Variants in ATG2B observed in about 807,000 individuals in gnomAD.
ATG2B encodes autophagy-related protein 2 homolog B.
In ATG2B, 121 loss-of-function variants were observed where a neutral mutation model predicts 241.3. The ratio of observed to expected loss-of-function variants is 0.50; its 90% CI spans 0.43 to 0.58. ATG2B has a LOEUF of 0.58. ATG2B is among the 20% of genes least tolerant of loss of function. The pLI, the probability that ATG2B is intolerant of heterozygous loss-of-function variation, is 0.00. For synonymous variants in ATG2B, 858 were observed against 876.6 expected, an observed-to-expected ratio of 0.98 and a Z score of 0.37; for missense variants, 2,306 against 2,491.6, an observed-to-expected ratio of 0.93 and a Z score of 1.59.
chr14:96,307,373 T>G (rs1016560280), intron 29 of ATG2B, among the ~76,000 whole-genome samples: 1 of 151,790 alleles, frequency 6.6e-6, no homozygotes. Flanking sequence ...ATCACACCAC[T>G]GCACTCCAGC....
At chr14:96,328,897 C>T in intron 12 of ATG2B, 131 bp from the exon 13 acceptor site, 1 of 584,232 alleles carries the variant, frequency 1.7e-6, no homozygotes, top group Non-Finnish European at 3.0e-6. Flanking sequence ...CACTTACTAG[C>T]AATGTGAACC....
chr14:96,304,048 G>A (rs904314923), intron 32 of ATG2B, among the ~76,000 whole-genome samples: 8 of 152,198 alleles, frequency 5.3e-5, no homozygotes, highest in Non-Finnish European at 1.0e-4. Flanking sequence ...AAATGCGTGT[G>A]ATGCCATCAG....
At position 96,290,195 on chromosome 14, in the gene ATG2B, C is replaced by T. The variant is rs1201890924; in HGVS notation, c.5856+241G>A. 1.5e-6 allele frequency: 2 copies of T among 1,303,798 alleles called. No homozygotes were observed. Among genetic ancestry groups the T allele is most frequent in the East Asian group, 3.1e-5 (1 of 31,926 alleles). The allele number at this position is 1,303,798 out of a possible 1,614,324, so 80.8% of individuals were successfully genotyped here. On this transcript the variant is annotated intron_variant, in intron 40 of 41. Transcript: ENST00000359933. This position sits in a 1 kb window ranked among gnomAD's most constrained non-coding sequence, Gnocchi z 4.4. ...TATGGTGAAATCAATCCTCTGCTAACTTAATGTTTACAATTTACCTGAAAT... is the reference window on the plus strand; with the variant it reads ...TATGGTGAAATCAATCCTCTGCTAATTTAATGTTTACAATTTACCTGAAAT...
chr14:96,353,912 T>C (rs1888402774), intron 1 of ATG2B, among the ~76,000 whole-genome samples: 1 of 152,068 alleles, frequency 6.6e-6, no homozygotes, highest in African/African-American at 2.4e-5. Context: ...ATGAAGAGAT[T>C]GTTCAAGCAT....
At position 96,306,307 on chromosome 14, in the gene ATG2B, T is replaced by TAC. The variant is rs56154757; in HGVS notation, c.4506+405_4506+406dup. ...TTCCTGGAAAGTTTCCAAATACACA[T>TAC]ACACACACACACTTATATCTATACA... is the stretch of plus-strand genomic sequence containing the variant. On this transcript the variant is annotated intron_variant, in intron 30 of 41. Transcript: ENST00000359933. Among the ~76,000 whole-genome samples the TAC allele has an allele frequency of 2.0e-5, 3 of 151,002 alleles. No homozygotes were observed. In the East Asian group the frequency reaches 6.2e-4, roughly 31 times the overall value.
rs201912169 is a variant in ATG2B at position 96,362,769 on chromosome 14, A to T, written c.162+46T>A. 38 of 1,572,178 alleles carry T rather than the reference A, an allele frequency of 2.4e-5. No individual in the cohort carries two copies. The Admixed American group carries it at 5.1e-4, about 21-fold the overall frequency. On this transcript the variant is annotated intron_variant, in intron 1 of 41. Transcript: ENST00000359933. ...GGATGGCACTGGTTCAAAGCGCCCT[A>T]AAGAGGGGAGCGAGCCCCGCCCGGC...
intron 14 of ATG2B, 149 bp from the exon 15 acceptor site, chr14:96,326,071 A>C: frequency 1.3e-6 from 1 of 743,150 alleles, no homozygotes; most frequent in Non-Finnish European, 2.0e-6. Context: ...CTACCATATT[A>C]ATTTAGTGTA....
At position 96,343,166 on chromosome 14, in the gene ATG2B, A is replaced by G. The variant is rs1212884737; in HGVS notation, c.697T>C (p.Phe233Leu). ...GGGGAAGATTTGGCTGATGCAGAAAACTCATCCCAGAAGAGAGACACTCCA... is the reference window on the plus strand; with the variant it reads ...GGGGAAGATTTGGCTGATGCAGAAAGCTCATCCCAGAAGAGAGACACTCCA... Reference protein sequence around the residue: ...LSGVSLFWDEFSASAKSSPVC... With the variant: ...LSGVSLFWDELSASAKSSPVC... Residue 233 changes from phenylalanine (F) to leucine (L), a missense_variant, in exon 5 of 42, where the codon TTT (phenylalanine) becomes CTT (leucine). Transcript: ENST00000359933. 1 of 1,604,678 alleles carries G rather than the reference A, an allele frequency of 6.2e-7. No individual in the cohort carries two copies. The highest frequency in any genetic ancestry group is 1.1e-5 in the South Asian group (1 of 90,058).
intron 1 of ATG2B, among the ~76,000 whole-genome samples, chr14:96,353,010 TTTTA>T (rs1888372062): frequency 1.3e-5 from 2 of 152,286 alleles, no homozygotes; most frequent in Non-Finnish European, 2.9e-5. Flanking sequence ...TTTTTAAAAT[TTTTA>T]TTTTTTATAT....
At chr14:96,311,012 G>A (rs1887137627) in intron 28 of ATG2B, 105 bp downstream of exon 28, 1 of 1,042,274 alleles carries the variant, frequency 9.6e-7, no homozygotes, top group Non-Finnish European at 1.3e-6. Context: ...ACAGATGAAT[G>A]ACTTTCAAAG....
rs1886614538 is a variant in ATG2B at position 96,295,544 on chromosome 14, A to G, written c.5156T>C (p.Leu1719Pro). ...AGAAAGACTTGTGAAGAAATCCTTC[A>G]GGAAGAACAAAGCATCCTAAAATTA... Reference protein sequence around the residue: ...LNIDQDALFFLKDFFTSLSAE... With the variant: ...LNIDQDALFFPKDFFTSLSAE... Residue 1719 changes from leucine (L) to proline (P), a missense_variant, in exon 35 of 42, where the codon CTG (leucine) becomes CCG (proline). Physicochemically the swap from Leu to Pro is moderately conservative, Grantham distance 98. Around this residue, in one of 2 missense-constraint regions of ATG2B, gnomAD observed 379 missense variants for 480.4 expected, o/e 0.79. Transcript: ENST00000359933. 1.9e-6 allele frequency: 3 copies of G among 1,603,366 alleles called. No homozygotes were observed. The East Asian group carries it at 6.7e-5, about 36-fold the overall frequency.
chr14:96,357,821 A>G (rs781672644), intron 1 of ATG2B, among the ~76,000 whole-genome samples: 45 of 152,268 alleles, frequency 3.0e-4, no homozygotes, highest in Admixed American at 1.4e-3. Context: ...TTTGTACCAT[A>G]TTGTTATCTC....
chr14:96,311,649 C>A (rs371439556), intron 26 of ATG2B, 31 bp from the exon 27 acceptor site: 1 of 1,452,594 alleles, frequency 6.9e-7, no homozygotes, highest in South Asian at 1.2e-5. Flanking sequence ...AAAATCTCTT[C>A]AGTACAGCTT....
At chr14:96,304,765 T>C (rs1298987808) in intron 31 of ATG2B, among the ~76,000 whole-genome samples, 162 bp from the exon 32 acceptor site, 1 of 152,172 alleles carries the variant, frequency 6.6e-6, no homozygotes, top group Admixed American at 6.5e-5. Context: ...GTATCTTCTT[T>C]ACTCTGTAGA....
chr14:96,295,052 A>C lies in ATG2B; in HGVS notation c.5334T>G (p.Asp1778Glu). Residue 1778 changes from aspartate to glutamate, a missense_variant, in exon 36 of 42, where the codon GAT becomes GAG. Physicochemically the swap from Asp to Glu is conservative, Grantham distance 45. Around this residue, in one of 2 missense-constraint regions of ATG2B, gnomAD observed 379 missense variants for 480.4 expected, o/e 0.79. Transcript: ENST00000359933. ...TAACCACTTCCACTGAATTGGCACT[A>C]TCATTTTGGGAAGGCTGTTTTGGCC... ...FSGPKQPSQN[D>E]SANSVEVVNG... 1 of 1,614,206 alleles carries C rather than the reference A, an allele frequency of 6.2e-7. No homozygotes were observed. The highest frequency in any genetic ancestry group is 2.2e-5 in the East Asian group (1 of 44,878).
In ATG2B at chr14:96,363,251, C is replaced by G; in HGVS notation, c.-275G>C. On this transcript the variant is annotated 5_prime_UTR_variant, in exon 1 of 42. Transcript: ENST00000359933. ...CCGGCTCGGAGAGAGTGCAAGAGAGCGCGAGAGGAGGCGGCAGGGGCTGAG... is the reference window on the plus strand; with the variant it reads ...CCGGCTCGGAGAGAGTGCAAGAGAGGGCGAGAGGAGGCGGCAGGGGCTGAG... 2.7e-6 allele frequency: 1 copy of G among 374,248 alleles called. No individual in the cohort carries two copies. The highest frequency in any genetic ancestry group is 4.9e-6 in the Non-Finnish European group (1 of 205,362). The allele number at this position is 374,248 out of a possible 1,614,324, so 23.2% of individuals were successfully genotyped here. A position where few individuals can be genotyped will look rare whatever the true frequency, so the allele number is the denominator to read the frequency against.
chr14:96,359,725 C>T (rs1331769400), intron 1 of ATG2B, among the ~76,000 whole-genome samples: 1 of 152,158 alleles, frequency 6.6e-6, no homozygotes, highest in Admixed American at 6.5e-5. Context: ...ATGGAACAAT[C>T]CCAAACCCCT....
intron 33 of ATG2B, 68 bp from the exon 34 acceptor site, chr14:96,302,176 A>C (rs892599551): frequency 2.2e-6 from 2 of 900,620 alleles, no homozygotes; most frequent in Non-Finnish European, 3.5e-6. Context: ...TTTAAAAATA[A>C]GAAAAAAAAA....
intron 33 of ATG2B, among the ~76,000 whole-genome samples, chr14:96,302,568 A>G (rs1886821186): frequency 7.2e-6 from 1 of 138,480 alleles, no homozygotes; most frequent in Non-Finnish European, 1.7e-5. Flanking sequence ...AGAGTGAGAC[A>G]CTGTTGGGGG....
Sources: gnomAD v4.1 joint callset for allele counts (sites outside exome capture counted in the v4.1 genomes callset) on GRCh38, gnomAD v4.1.1 for gene constraint, gnomAD v4.1.1 regional missense constraint, Gnocchi (gnomAD v3.1) non-coding constraint, MANE v1.5 for transcripts, NCBI Gene and HGNC (gene_info 2026-07-23, HGNC 2026-07-21) for gene names.